ERC2: variants seen among roughly 807,000 people sequenced by gnomAD.
ERC2 encodes the protein ELKS/RAB6-interacting/CAST family member 2, also known as ERC protein 2.
ERC2 carries 42 observed loss-of-function variants against 114.8 expected under a neutral mutation model. That is an observed-to-expected ratio of 0.37 (90% CI 0.29 to 0.47). The LOEUF (loss-of-function observed/expected upper bound fraction) is 0.47. Ranked by LOEUF, ERC2 falls within the 20% of genes least tolerant of loss-of-function variation. ERC2 has a pLI of 0.99. For missense variants in ERC2, 939 were observed against 1,150.7 expected, an observed-to-expected ratio of 0.82 and a Z score of 2.66; for synonymous variants, 454 against 425.5, an observed-to-expected ratio of 1.07 and a Z score of -0.82.
At chr3:56,380,233 G>A (rs1216090025) in intron 2 of ERC2, among the ~76,000 whole-genome samples, 1 of 152,136 alleles carries the variant, frequency 6.6e-6, no homozygotes, top group East Asian at 1.9e-4. Flanking sequence ...TTATAGATCA[G>A]AAAACTGAAG....
At chr3:55,892,553 T>C (rs979305807) in intron 13 of ERC2, among the ~76,000 whole-genome samples, 2 of 152,152 alleles carry the variant, frequency 1.3e-5, no homozygotes, top group Non-Finnish European at 2.9e-5. Context: ...AGTATATTCA[T>C]TGTAAAAAAT....
At chr3:56,214,040 C>A (rs1391000358) in intron 3 of ERC2, among the ~76,000 whole-genome samples, 1 of 152,106 alleles carries the variant, frequency 6.6e-6, no homozygotes, top group African/African-American at 2.4e-5. Flanking sequence ...TAGATAGAAC[C>A]ACAAAGATGG....
At chr3:55,714,639 A>ATGTGTGTGTGTG (rs34850947) in intron 15 of ERC2, among the ~76,000 whole-genome samples, 1 of 99,826 alleles carries the variant, frequency 1.0e-5, no homozygotes, top group African/African-American at 4.1e-5. Flanking sequence ...GTTTGTATAT[A>ATGTGTGTGTGTG]TGTGTGTGTG....
chr3:55,986,063 A>G, intron 11 of ERC2, 75 bp from the exon 12 acceptor site: 1 of 1,394,288 alleles, frequency 7.2e-7, no homozygotes, highest in Non-Finnish European at 9.8e-7. Context: ...AGAGAATAAA[A>G]GGAAGGAAAT....
At chr3:56,097,397 A>G (rs994416027) in intron 6 of ERC2, among the ~76,000 whole-genome samples, 1 of 152,118 alleles carries the variant, frequency 6.6e-6, no homozygotes, top group Non-Finnish European at 1.5e-5. Context: ...GCTAGTATAC[A>G]TCATGGCTCC....
intron 2 of ERC2, among the ~76,000 whole-genome samples, chr3:56,381,934 G>A (rs113230694): frequency 0.011 from 1,661 of 152,108 alleles, 29 homozygotes; most frequent in African/African-American, 0.038. Context: ...CAACCTCTTC[G>A]AAAATGATAG....
chr3:55,751,106 G>T (rs547764590), intron 14 of ERC2, among the ~76,000 whole-genome samples: 101 of 152,304 alleles, frequency 6.6e-4, no homozygotes, highest in Non-Finnish European at 1.2e-3. Flanking sequence ...GTTACTATCA[G>T]GGTATGTGTG....
chr3:56,073,384 C>T (rs1028583165), intron 7 of ERC2, among the ~76,000 whole-genome samples: 2 of 152,162 alleles, frequency 1.3e-5, no homozygotes, highest in South Asian at 4.1e-4. Flanking sequence ...CTGGAATAGA[C>T]CCTACCCATG....
intron 13 of ERC2, among the ~76,000 whole-genome samples, chr3:55,924,715 T>G (rs979340606): frequency 1.3e-5 from 2 of 152,098 alleles, no homozygotes; most frequent in African/African-American, 4.8e-5. Context: ...GAGTTAGAAC[T>G]AAAAGCCAAG....
intron 10 of ERC2, among the ~76,000 whole-genome samples, chr3:55,995,627 A>G (rs909031628): frequency 1.3e-5 from 2 of 152,224 alleles, no homozygotes; most frequent in African/African-American, 4.8e-5. Context: ...AGAGTTTCAC[A>G]TGACTGGGAA....
intron 17 of ERC2, among the ~76,000 whole-genome samples, chr3:55,521,694 C>T (rs1343738101): frequency 6.6e-6 from 1 of 152,178 alleles, no homozygotes; most frequent in Non-Finnish European, 1.5e-5. Context: ...GACCCCGTGG[C>T]CTTGCTATGT....
intron 3 of ERC2, among the ~76,000 whole-genome samples, chr3:56,188,001 C>T (rs1043398399): frequency 3.3e-5 from 5 of 152,062 alleles, no homozygotes; most frequent in South Asian, 2.1e-4. Flanking sequence ...CTGTGGGGAA[C>T]GTGGTCAAGG....
At chr3:55,587,509 A>T (rs1268287145) in intron 17 of ERC2, among the ~76,000 whole-genome samples, 2 of 152,148 alleles carry the variant, frequency 1.3e-5, no homozygotes, top group Non-Finnish European at 2.9e-5. Context: ...TTGTTTTGCA[A>T]TTACAAAGCT....
intron 17 of ERC2, among the ~76,000 whole-genome samples, chr3:55,592,979 T>C (rs2057967879): frequency 6.6e-6 from 1 of 152,322 alleles, no homozygotes; most frequent in African/African-American, 2.4e-5. Flanking sequence ...GTCCTTCTAT[T>C]CACTCATTCA....
At chr3:55,683,674 A>T in intron 17 of ERC2, 120 bp downstream of exon 17, 1 of 833,316 alleles carries the variant, frequency 1.2e-6, no homozygotes, top group Non-Finnish European at 1.9e-6. Context: ...GCGCTCACAG[A>T]ACACAGTAGC....
chr3:55,897,712 T>G (rs1296140045), intron 13 of ERC2, among the ~76,000 whole-genome samples: 1 of 152,234 alleles, frequency 6.6e-6, no homozygotes, highest in Non-Finnish European at 1.5e-5. Flanking sequence ...CTGAAGGACC[T>G]GTTAAAACAA....
At chr3:55,913,794 C>T (rs922103455) in intron 13 of ERC2, among the ~76,000 whole-genome samples, 6 of 152,172 alleles carry the variant, frequency 3.9e-5, no homozygotes, top group African/African-American at 1.4e-4. Flanking sequence ...TTTTCACACA[C>T]AGTCATCTAC....
chr3:55,722,908 G>A (rs1340520993), intron 15 of ERC2, among the ~76,000 whole-genome samples: 3 of 152,032 alleles, frequency 2.0e-5, no homozygotes, highest in Admixed American at 6.6e-5. Context: ...TGTAGGAGAC[G>A]GCCATTTCTT....
chr3:56,104,270 G>T (rs373451249), intron 6 of ERC2, among the ~76,000 whole-genome samples: 2 of 152,092 alleles, frequency 1.3e-5, no homozygotes, highest in Non-Finnish European at 1.5e-5. Context: ...GCAAACCATT[G>T]TCTTATCAAT....
Sources: allele counts gnomAD v4.1 joint callset (sites outside exome capture counted in the v4.1 genomes callset), GRCh38; gene constraint gnomAD v4.1.1; transcripts MANE v1.5; gene names NCBI Gene and HGNC (gene_info 2026-07-23, HGNC 2026-07-21).